The following POT1 variants were observed in gnomAD, a reference collection of about 807,000 sequenced individuals.
POT1 encodes the protein protection of telomeres 1, also known as protection of telomeres protein 1.
POT1 carries 47 observed loss-of-function variants against 78.5 expected under a neutral mutation model. That is an observed-to-expected ratio of 0.60 (90% CI 0.47 to 0.76). The LOEUF is 0.76. Ranked by LOEUF, POT1 falls within the 30% of genes least tolerant of loss-of-function variation. The probability of loss-of-function intolerance (pLI) is 0.00; values close to 1 mark genes in which losing one functional copy is unlikely to be tolerated. For synonymous variants in POT1, 259 were observed against 260.7 expected, an observed-to-expected ratio of 0.99 and a Z score of 0.06; for missense variants, 646 against 749.9, an observed-to-expected ratio of 0.86 and a Z score of 1.62.
chr7:124,835,097 G>A (rs547938792), intron 15 of POT1, among the ~76,000 whole-genome samples, 182 bp downstream of exon 15: 4 of 152,166 alleles, frequency 2.6e-5, no homozygotes, highest in African/African-American at 7.2e-5. Context: ...CTGTCAGGGG[G>A]TGGGAGGCTA....
At chr7:124,926,039 G>C (rs1045074066) in intron 2 of POT1, among the ~76,000 whole-genome samples, 2 of 152,052 alleles carry the variant, frequency 1.3e-5, no homozygotes, top group Admixed American at 6.5e-5. Context: ...TCTAGATATT[G>C]GTTTAGGCAA....
At chr7:124,852,940 T>C in intron 10 of POT1, 32 bp downstream of exon 10, 4 of 1,584,138 alleles carry the variant, frequency 2.5e-6, no homozygotes, top group Non-Finnish European at 3.5e-6. Context: ...AATCGATACC[T>C]TATTTACATT....
In POT1 at chr7:124,914,640, C is replaced by T. The variant is rs574697142; in HGVS notation, c.-154+934G>A. 1.7e-3 allele frequency among the ~76,000 whole-genome samples: 254 copies of T among 152,158 alleles called. 2 individuals carry two copies. Among genetic ancestry groups the T allele is most frequent in the African/African-American group, 5.8e-3 (240 of 41,538 alleles). ...TGTTTTTTAAAAAATTATACTACAA[C>T]AATAAATAATAATACAAATTTAAAA... On this transcript the variant is annotated intron_variant, in intron 3 of 18. Transcript: ENST00000357628.
intron 6 of POT1, among the ~76,000 whole-genome samples, chr7:124,890,728 A>G (rs1224268337): frequency 1.3e-5 from 2 of 151,908 alleles, no homozygotes; most frequent in Non-Finnish European, 2.9e-5. Context: ...ATCAAGGTGC[A>G]TACATTTTTT....
chr7:124,841,281 G>T, intron 13 of POT1, 103 bp from the exon 14 acceptor site: 1 of 820,630 alleles, frequency 1.2e-6, no homozygotes, highest in Non-Finnish European at 1.9e-6. Flanking sequence ...CTTACATGTA[G>T]ATGAGTCAGT....
At chr7:124,831,598 A>G (rs1447907765) in intron 15 of POT1, among the ~76,000 whole-genome samples, 1 of 152,216 alleles carries the variant, frequency 6.6e-6, no homozygotes, top group African/African-American at 2.4e-5. Context: ...AAGAAAACAT[A>G]TAACGTGACT....
chr7:124,828,229 A>C (rs1794678223), intron 16 of POT1, among the ~76,000 whole-genome samples: 1 of 152,162 alleles, frequency 6.6e-6, no homozygotes, highest in African/African-American at 2.4e-5. Context: ...AAGCTAGGGG[A>C]ATAATTTATA....
rs1455799309 is a variant in POT1 at position 124,870,983 on chromosome 7, G to A, written c.183C>T (p.Leu61=). The A allele has an allele frequency of 3.1e-6, 5 of 1,610,338 alleles. No homozygotes were observed. Among genetic ancestry groups the A allele is most frequent in the Non-Finnish European group, 4.2e-6 (5 of 1,177,754 alleles). ...GAAGGGCTTCATAGTTTCCACTAAA[G>A]AGCAGGCAAGTTAGTTTTACATTTG... ...DQTNVKLTCL[L]FSGNYEALPI... The change falls in exon 7 of 19, where the codon CTC becomes CTT. Residue 61 remains leucine (L), a synonymous_variant. Coordinates refer to ENST00000357628, the MANE Select transcript of POT1 (RefSeq NM_015450.3).
At chr7:124,881,734 C>T (rs1437567785) in intron 6 of POT1, among the ~76,000 whole-genome samples, 2 of 151,944 alleles carry the variant, frequency 1.3e-5, no homozygotes, top group East Asian at 3.9e-4. Context: ...ATTTTTTGCT[C>T]TTTCCCAAAC....
intron 5 of POT1, among the ~76,000 whole-genome samples, chr7:124,894,266 A>T (rs1170940302): frequency 6.6e-6 from 1 of 151,550 alleles, no homozygotes; most frequent in African/African-American, 2.4e-5. Context: ...ATCAATGATT[A>T]AAAAAAGAAT....
intron 6 of POT1, among the ~76,000 whole-genome samples, chr7:124,875,222 T>C (rs1010158531): frequency 1.2e-4 from 19 of 152,320 alleles, no homozygotes; most frequent in African/African-American, 4.6e-4. Flanking sequence ...CCCTTTTATA[T>C]ATCTGACATA....
At chr7:124,829,054 C>T (rs773265035) in intron 16 of POT1, 200 bp downstream of exon 16, 10 of 752,460 alleles carry the variant, frequency 1.3e-5, no homozygotes, top group Non-Finnish European at 2.0e-5. Flanking sequence ...AAGTATGTGA[C>T]GGTGCCTGCT....
chr7:124,918,224 C>G (rs922175079), intron 2 of POT1, among the ~76,000 whole-genome samples: 4 of 152,128 alleles, frequency 2.6e-5, no homozygotes, highest in Non-Finnish European at 5.9e-5. Context: ...TCTCTGAAAA[C>G]CAGACCAAAC....
Position 124,863,447 on chromosome 7 carries a change from A to T in POT1, c.449T>A (p.Leu150Ter). 2 of 1,613,964 alleles carry T rather than the reference A, an allele frequency of 1.2e-6. No homozygotes were observed. ...TGGCTGAACATCACACAATTTTAGTAATGTCCAAGACGGTGACATATGAGT... is the reference window on the plus strand; with the variant it reads ...TGGCTGAACATCACACAATTTTAGTTATGTCCAAGACGGTGACATATGAGT... ...ASTHMSPSWT[L>*]LKLCDVQPMQ... The change falls in exon 8 of 19, where the codon TTA (leucine) becomes TAA (stop). Residue 150 changes from leucine to a stop codon, truncating the protein, a stop_gained. Coordinates refer to ENST00000357628, the MANE Select transcript of POT1 (RefSeq NM_015450.3). LOFTEE classifies it high-confidence loss of function.
chr7:124,888,844 C>G (rs1057387704), intron 6 of POT1, among the ~76,000 whole-genome samples: 1 of 151,926 alleles, frequency 6.6e-6, no homozygotes, highest in Non-Finnish European at 1.5e-5. Flanking sequence ...AGACAGTGTA[C>G]TTAACCAATA....
intron 2 of POT1, among the ~76,000 whole-genome samples, chr7:124,917,658 G>A (rs1249969374): frequency 6.6e-6 from 1 of 152,124 alleles, no homozygotes; most frequent in African/African-American, 2.4e-5. Flanking sequence ...TAGATTAAAA[G>A]ACATTAATCA....
At chr7:124,889,812 CAA>C (rs36082958) in intron 6 of POT1, among the ~76,000 whole-genome samples, 1 of 151,786 alleles carries the variant, frequency 6.6e-6, no homozygotes, top group Non-Finnish European at 1.5e-5. Flanking sequence ...TACTGCTCAG[CAA>C]AAAAGATTCT....
intron 6 of POT1, among the ~76,000 whole-genome samples, chr7:124,875,379 T>C (rs538365354): frequency 6.6e-6 from 1 of 152,296 alleles, no homozygotes; most frequent in South Asian, 2.1e-4. Context: ...TAAAGGATGA[T>C]ACAAGAATGA....
At position 124,872,022 on chromosome 7, in the gene POT1, C is replaced by T. The variant is rs561393502; in HGVS notation, c.125-981G>A. Among the ~76,000 whole-genome samples, 236 of 152,180 alleles carry T rather than the reference C, an allele frequency of 1.6e-3. 1 individual carries two copies. The highest frequency in any genetic ancestry group is 3.1e-3 in the Non-Finnish European group (212 of 67,986). On this transcript the variant is annotated intron_variant, in intron 6 of 18. Transcript: ENST00000357628. ...CAGTTGACCAACATCTCCCCAAAAC[C>T]TTCCCATAACCACACAGACCCCTGG...
Sources: gnomAD v4.1 joint callset for allele counts (sites outside exome capture counted in the v4.1 genomes callset) on GRCh38, gnomAD v4.1.1 for gene constraint, MANE v1.5 for transcripts, NCBI Gene and HGNC (gene_info 2026-07-23, HGNC 2026-07-21) for gene names.